The following GPC5 variants were observed in gnomAD, a reference collection of about 807,000 sequenced individuals.
The protein encoded by GPC5 is glypican 5.
Under a neutral mutation model 53.9 loss-of-function variants are expected in GPC5, and 47 were observed. The observed-to-expected ratio is 0.87, with a 90% confidence interval of 0.69 to 1.11. The LOEUF is 1.11. Ranked by LOEUF, GPC5 falls within the 50% of genes most tolerant of loss-of-function variation. The pLI, the probability that GPC5 is intolerant of heterozygous loss-of-function variation, is 0.00. For synonymous variants in GPC5, 286 were observed against 263.3 expected (o/e 1.09, Z -0.84); for missense variants, 748 against 713.1 (o/e 1.05, Z -0.56).
At chr13:92,352,061 C>T (rs1043419805) in intron 7 of GPC5, among the ~76,000 whole-genome samples, 3 of 152,010 alleles carry the variant, frequency 2.0e-5, no homozygotes, top group African/African-American at 7.2e-5. Flanking sequence ...TGACTTAACT[C>T]TTGAGCTTTG....
intron 6 of GPC5, among the ~76,000 whole-genome samples, chr13:92,071,009 G>A (rs1475443431): frequency 1.8e-4 from 28 of 152,038 alleles, no homozygotes; most frequent in African/African-American, 4.8e-4. Flanking sequence ...AGGCTGAGGC[G>A]GGCGGATCAC....
intron 6 of GPC5, among the ~76,000 whole-genome samples, chr13:92,031,715 ATATATGTAATATATTACATAT>A: frequency 3.2e-5 from 1 of 31,168 alleles, no homozygotes; most frequent in South Asian, 1.1e-3. Flanking sequence ...TATATATTAC[ATATATGTAATATATTACATAT>A]TATATATAAT....
chr13:92,678,883 T>G (rs1887030204), intron 7 of GPC5, among the ~76,000 whole-genome samples: 1 of 152,194 alleles, frequency 6.6e-6, no homozygotes, highest in Admixed American at 6.5e-5. Flanking sequence ...GGTCATATTT[T>G]GAAAATATTT....
intron 2 of GPC5, among the ~76,000 whole-genome samples, chr13:91,607,505 C>T (rs2033409794): frequency 6.6e-6 from 1 of 152,102 alleles, no homozygotes; most frequent in African/African-American, 2.4e-5. Flanking sequence ...AGGATTCATG[C>T]CCTGTACGTA....
At chr13:91,815,555 A>G (rs576428786) in intron 5 of GPC5, among the ~76,000 whole-genome samples, 3 of 152,210 alleles carry the variant, frequency 2.0e-5, no homozygotes, top group South Asian at 2.1e-4. Flanking sequence ...CACATAAATC[A>G]TCTGACTCAA....
intron 7 of GPC5, among the ~76,000 whole-genome samples, chr13:92,743,648 ATC>A (rs1235315385): frequency 6.6e-6 from 1 of 152,112 alleles, no homozygotes; most frequent in Non-Finnish European, 1.5e-5. Context: ...GAGAGACGGC[ATC>A]TCTGTCTTGT....
At position 91,521,768 on chromosome 13, in the gene GPC5, T is replaced by C. The variant is rs1594203481; in HGVS notation, c.325+72846T>C. The stretch of plus-strand genomic sequence containing the variant: ...GATTCTGACACCATCTACCTAAAGA[T>C]AGTGTCAGATTCCAAAAGGTGAGGG... On this transcript the variant is annotated intron_variant, in intron 2 of 7. Coordinates refer to ENST00000377067, the MANE Select transcript of GPC5 (RefSeq NM_004466.6). Among the ~76,000 whole-genome samples the C allele has an allele frequency of 2.0e-5, 3 of 152,306 alleles. No homozygotes were observed. In the South Asian group the frequency reaches 6.2e-4, roughly 32 times the overall value.
intron 7 of GPC5, among the ~76,000 whole-genome samples, chr13:92,286,516 A>C (rs1007534069): frequency 2.0e-5 from 3 of 152,178 alleles, no homozygotes; most frequent in Non-Finnish European, 4.4e-5. Flanking sequence ...CTGGATTAAG[A>C]AAATGTGGCA....
intron 7 of GPC5, among the ~76,000 whole-genome samples, chr13:92,277,068 GT>G (rs1377909662): frequency 6.6e-6 from 1 of 151,546 alleles, no homozygotes; most frequent in Admixed American, 6.6e-5. Flanking sequence ...ATTCACATAG[GT>G]TCCAATTATG....
intron 7 of GPC5, among the ~76,000 whole-genome samples, chr13:92,751,744 A>AT (rs1889408282): frequency 1.5e-5 from 2 of 137,670 alleles, no homozygotes; most frequent in Non-Finnish European, 1.5e-5. Flanking sequence ...CTTAAAGTAT[A>AT]AAAAAAAATA....
At chr13:92,397,278 G>T (rs1216528212) in intron 7 of GPC5, among the ~76,000 whole-genome samples, 1 of 152,094 alleles carries the variant, frequency 6.6e-6, no homozygotes, top group African/African-American at 2.4e-5. Context: ...GGCTGGGGGG[G>T]GTTCCCCCAT....
intron 6 of GPC5, among the ~76,000 whole-genome samples, chr13:92,096,857 T>C (rs74743334): frequency 1.3e-5 from 2 of 152,294 alleles, no homozygotes; most frequent in East Asian, 1.9e-4. Context: ...ATCTTAAAAA[T>C]GTGCAAGAGG....
intron 7 of GPC5, among the ~76,000 whole-genome samples, chr13:92,802,561 A>G (rs1876947458): frequency 1.3e-5 from 2 of 151,950 alleles, no homozygotes; most frequent in African/African-American, 2.4e-5. Context: ...ATGTCCAACA[A>G]TGATAGACTG....
chr13:92,835,038 TA>T (rs1878177316), intron 7 of GPC5, among the ~76,000 whole-genome samples: 1 of 152,088 alleles, frequency 6.6e-6, no homozygotes, highest in Admixed American at 6.6e-5. Context: ...AAAATAATCT[TA>T]ATGTCAACCA....
chr13:91,976,438 C>T (rs909566487), intron 6 of GPC5, among the ~76,000 whole-genome samples: 6 of 152,144 alleles, frequency 3.9e-5, no homozygotes, highest in Non-Finnish European at 8.8e-5. Context: ...TAATTGGGTG[C>T]CACTGCTGAG....
intron 6 of GPC5, among the ~76,000 whole-genome samples, chr13:92,057,900 A>G (rs1259257714): frequency 2.0e-5 from 3 of 149,864 alleles, no homozygotes; most frequent in Non-Finnish European, 3.0e-5. Context: ...AGGAAAAGAG[A>G]AAAAAAAAAG....
At chr13:91,968,117 T>C (rs74824990) in intron 6 of GPC5, among the ~76,000 whole-genome samples, 6,326 of 152,256 alleles carry the variant, frequency 0.042, 166 homozygotes, top group Middle Eastern at 0.066. Flanking sequence ...TTTTATTTTG[T>C]TAACAGTGTT....
intron 6 of GPC5, among the ~76,000 whole-genome samples, chr13:92,125,888 A>G (rs1210201848): frequency 7.1e-6 from 1 of 140,998 alleles, no homozygotes; most frequent in Non-Finnish European, 1.5e-5. Flanking sequence ...AGTAACATGT[A>G]AAGATTAGCA....
intron 2 of GPC5, among the ~76,000 whole-genome samples, chr13:91,466,168 A>C (rs973259014): frequency 6.6e-6 from 1 of 152,150 alleles, no homozygotes; most frequent in Non-Finnish European, 1.5e-5. Flanking sequence ...AGAACCTACC[A>C]AGGGAAACAG....
Sources: gnomAD v4.1 joint callset for allele counts (sites outside exome capture counted in the v4.1 genomes callset) on GRCh38, gnomAD v4.1.1 for gene constraint, MANE v1.5 for transcripts, NCBI Gene and HGNC (gene_info 2026-07-23, HGNC 2026-07-21) for gene names.